Variants in FSTL5 observed in about 807,000 individuals in gnomAD.
FSTL5 encodes the protein follistatin like 5.
In FSTL5, 62 loss-of-function variants were observed where a neutral mutation model predicts 89.1. The ratio of observed to expected loss-of-function variants is 0.70; its 90% CI spans 0.57 to 0.86. The LOEUF (loss-of-function observed/expected upper bound fraction) is 0.86, where lower values mean the gene tolerates loss of function less well. Ranked by LOEUF, FSTL5 falls within the 40% of genes least tolerant of loss-of-function variation. The pLI is 0.00. For synonymous variants in FSTL5, 383 were observed against 346.2 expected (o/e 1.11, Z -1.18); for missense variants, 1,057 against 1,001.6 (o/e 1.06, Z -0.75).
intron 8 of FSTL5, among the ~76,000 whole-genome samples, chr4:161,559,767 C>T (rs1034899050): frequency 5.9e-5 from 9 of 151,866 alleles, no homozygotes; most frequent in Admixed American, 2.0e-4. Context: ...GAAGGTGCTA[C>T]GTTCTGAGAA....
intron 10 of FSTL5, among the ~76,000 whole-genome samples, chr4:161,524,045 T>C (rs1228266061): frequency 6.6e-6 from 1 of 152,142 alleles, no homozygotes; most frequent in African/African-American, 2.4e-5. Context: ...ACATGCCTCA[T>C]TATACCTCTC....
intron 5 of FSTL5, among the ~76,000 whole-genome samples, chr4:161,759,969 C>T (rs142610757): frequency 3.7e-4 from 57 of 152,082 alleles, no homozygotes; most frequent in African/African-American, 1.4e-3. Context: ...AACTTTCTTC[C>T]TCATATGATT....
intron 4 of FSTL5, among the ~76,000 whole-genome samples, chr4:161,844,163 T>C (rs1222401704): frequency 6.6e-6 from 1 of 152,110 alleles, no homozygotes; most frequent in Non-Finnish European, 1.5e-5. Context: ...AAAGAAGACA[T>C]ATATGCAGCC....
intron 15 of FSTL5, among the ~76,000 whole-genome samples, chr4:161,443,387 G>A (rs908214329): frequency 6.6e-6 from 1 of 151,882 alleles, no homozygotes; most frequent in Non-Finnish European, 1.5e-5. Flanking sequence ...AATTTACTTG[G>A]AATCACACTG....
intron 6 of FSTL5, among the ~76,000 whole-genome samples, chr4:161,721,846 C>T (rs6536610): frequency 0.84 from 128,141 of 152,204 alleles, 55,899 homozygotes; most frequent in East Asian, 0.97. Flanking sequence ...AAAGATTATA[C>T]AAGAAATTAG....
intron 3 of FSTL5, among the ~76,000 whole-genome samples, chr4:161,936,210 T>C (rs1378967224): frequency 4.6e-5 from 7 of 152,150 alleles, no homozygotes; most frequent in African/African-American, 1.7e-4. Context: ...TTTAGGTAAT[T>C]GTAGGAATAA....
chr4:161,408,151 A>G (rs1466743648), intron 15 of FSTL5, among the ~76,000 whole-genome samples: 1 of 152,238 alleles, frequency 6.6e-6, no homozygotes, highest in East Asian at 1.9e-4. Flanking sequence ...AGGCCCATGA[A>G]CAGACCTGGT....
rs570013815 is a variant in FSTL5 at position 161,548,473 on chromosome 4, T to A, written c.1016-5780A>T. Among the ~76,000 whole-genome samples, 25 of 151,718 alleles carry A rather than the reference T, an allele frequency of 1.6e-4. No individual in the cohort carries two copies. In the Admixed American group the frequency reaches 1.6e-3, roughly 10 times the overall value. On this transcript the variant is annotated intron_variant, in intron 8 of 15. Transcript: ENST00000306100. ...CTGAATTTTGAAGTGTTTAGGGGAGTATGATAGACAGTGTAGTGAATATGG... is the reference window on the plus strand; with the variant it reads ...CTGAATTTTGAAGTGTTTAGGGGAGAATGATAGACAGTGTAGTGAATATGG...
chr4:161,739,806 G>T (rs1208885141), intron 6 of FSTL5, among the ~76,000 whole-genome samples: 1 of 151,612 alleles, frequency 6.6e-6, no homozygotes, highest in African/African-American at 2.4e-5. Flanking sequence ...GTAGCCAGAT[G>T]AATACACTTG....
intron 5 of FSTL5, among the ~76,000 whole-genome samples, chr4:161,767,669 T>C (rs1463807305): frequency 6.6e-6 from 1 of 152,136 alleles, no homozygotes; most frequent in Admixed American, 6.6e-5. Flanking sequence ...TTTCACACCT[T>C]ATGCAAATGG....
chr4:162,153,632 AATAATATATGTATATTATATATGTAT>A (rs1173937191), intron 1 of FSTL5, among the ~76,000 whole-genome samples: 851 of 64,746 alleles, frequency 0.013, 19 homozygotes, highest in African/African-American at 0.037. Flanking sequence ...ATATGTATAT[AATAATATATGTATATTATATATGTAT>A]ATAATATATG....
chr4:161,838,142 C>A (rs2126869121), intron 4 of FSTL5, among the ~76,000 whole-genome samples: 1 of 152,112 alleles, frequency 6.6e-6, no homozygotes, highest in East Asian at 1.9e-4. Flanking sequence ...AAATAAAACT[C>A]AACTAAAGCA....
chr4:161,776,458 A>G (rs2126804619), intron 4 of FSTL5, among the ~76,000 whole-genome samples: 1 of 144,670 alleles, frequency 6.9e-6, no homozygotes, highest in Non-Finnish European at 1.5e-5. Flanking sequence ...ATGAAGTACA[A>G]GAAGGTGAAA....
At chr4:161,661,484 C>CA (rs1336908398) in intron 6 of FSTL5, among the ~76,000 whole-genome samples, 2 of 151,550 alleles carry the variant, frequency 1.3e-5, no homozygotes, top group Non-Finnish European at 2.9e-5. Context: ...AGAAATAGAT[C>CA]AAAAAAAGAA....
intron 4 of FSTL5, among the ~76,000 whole-genome samples, chr4:161,864,870 CAAAAAAAAA>C (rs10636039): frequency 3.2e-5 from 3 of 92,392 alleles, no homozygotes; most frequent in African/African-American, 4.2e-5. Flanking sequence ...GACTTCGTCT[CAAAAAAAAA>C]AAAAAAAAAA....
At chr4:161,782,663 A>T (rs543006909) in intron 4 of FSTL5, among the ~76,000 whole-genome samples, 40 of 152,196 alleles carry the variant, frequency 2.6e-4, no homozygotes, top group Non-Finnish European at 5.3e-4. Flanking sequence ...TAATTTTGGG[A>T]ATTAATCTTA....
intron 2 of FSTL5, among the ~76,000 whole-genome samples, chr4:162,034,749 A>G (rs1737666353): frequency 6.6e-6 from 1 of 152,196 alleles, no homozygotes; most frequent in Non-Finnish European, 1.5e-5. Flanking sequence ...TATTTTGGCA[A>G]AAGAGTAGGA....
intron 6 of FSTL5, among the ~76,000 whole-genome samples, chr4:161,689,285 T>G (rs977578004): frequency 5.9e-5 from 9 of 152,156 alleles, no homozygotes; most frequent in Admixed American, 1.3e-4. Flanking sequence ...AGGAGATGAC[T>G]TTAGCTCAGT....
intron 6 of FSTL5, among the ~76,000 whole-genome samples, chr4:161,698,666 C>T (rs1469480200): frequency 1.3e-5 from 2 of 152,154 alleles, no homozygotes; most frequent in African/African-American, 2.4e-5. Flanking sequence ...CAGTGGCTCA[C>T]GCCTGTAATC....
Sources: gnomAD v4.1 joint callset for allele counts (sites outside exome capture counted in the v4.1 genomes callset) on GRCh38, gnomAD v4.1.1 for gene constraint, MANE v1.5 for transcripts, NCBI Gene and HGNC (gene_info 2026-07-23, HGNC 2026-07-21) for gene names.